Variants in RRBP1 observed in about 807,000 individuals in gnomAD.
The protein encoded by RRBP1 is ribosome-binding protein 1.
RRBP1 carries 94 observed loss-of-function variants against 165.2 expected under a neutral mutation model. The observed-to-expected ratio is 0.57, with a 90% CI of 0.48 to 0.68. RRBP1 has a LOEUF of 0.68. Ranked by LOEUF, RRBP1 falls within the 30% of genes least tolerant of loss-of-function variation. RRBP1 has a pLI of 0.00. For missense variants in RRBP1, 1,676 were observed against 1,763.0 expected (o/e 0.95, Z 0.88); for synonymous variants, 680 against 714.5 (o/e 0.95, Z 0.77).
intron 2 of RRBP1, among the ~76,000 whole-genome samples, chr20:17,672,324 T>C (rs1388838064): frequency 3.9e-5 from 6 of 152,232 alleles, no homozygotes; most frequent in Non-Finnish European, 2.9e-5. Context: ...CCACTCAGGT[T>C]TATATTAGGA....
At chr20:17,645,340 C>T (rs915281601) in intron 3 of RRBP1, among the ~76,000 whole-genome samples, 4 of 152,204 alleles carry the variant, frequency 2.6e-5, no homozygotes, top group African/African-American at 7.2e-5. Flanking sequence ...AACTTTCTAA[C>T]GTAATTCCAT....
chr20:17,631,483 G>A (rs1340937610), intron 8 of RRBP1, among the ~76,000 whole-genome samples: 2 of 152,242 alleles, frequency 1.3e-5, no homozygotes, highest in Non-Finnish European at 2.9e-5. Context: ...GGAAACCACG[G>A]GCCTCCATCT....
intron 3 of RRBP1, among the ~76,000 whole-genome samples, chr20:17,654,934 T>C (rs1444054481): frequency 6.6e-6 from 1 of 152,364 alleles, no homozygotes. Context: ...GAAGTATCAT[T>C]ATTCCTTTAT....
At chr20:17,628,130 G>T (rs1021968254) in intron 9 of RRBP1, among the ~76,000 whole-genome samples, 1 of 152,058 alleles carries the variant, frequency 6.6e-6, no homozygotes, top group African/African-American at 2.4e-5. Flanking sequence ...AGGCCAGGGG[G>T]TGACTCTTCT....
chr20:17,617,713 G>A (rs1296208790), intron 20 of RRBP1, among the ~76,000 whole-genome samples: 2 of 152,244 alleles, frequency 1.3e-5, no homozygotes, highest in Non-Finnish European at 2.9e-5. Context: ...TTCTGGTCCG[G>A]GTAAGACCTG....
chr20:17,622,884 CAG>C (rs1298282326), intron 13 of RRBP1: 5 of 152,210 alleles, frequency 3.3e-5, no homozygotes, highest in African/African-American at 1.2e-4. Context: ...CTCCCCCAAG[CAG>C]AGTCCTGGAA....
At chr20:17,627,801 C>T (rs1380919663) in intron 9 of RRBP1, 119 bp from the exon 10 acceptor site, 2 of 934,610 alleles carry the variant, frequency 2.1e-6, no homozygotes, top group African/African-American at 1.7e-5. Context: ...CTCCTGCCTC[C>T]TCTGTGTGTC....
intron 3 of RRBP1, among the ~76,000 whole-genome samples, chr20:17,650,577 CCT>C (rs775924303): frequency 8.5e-5 from 13 of 152,248 alleles, no homozygotes; most frequent in Admixed American, 2.6e-4. Flanking sequence ...CCCCGCATCC[CCT>C]GAGTGACGTG....
At chr20:17,656,230 G>A (rs1451449050) in intron 3 of RRBP1, among the ~76,000 whole-genome samples, 1 of 152,190 alleles carries the variant, frequency 6.6e-6, no homozygotes. Context: ...CTGTGAAGAA[G>A]AAAGAAACCA....
chr20:17,636,950 C>G (rs543295306), intron 5 of RRBP1, among the ~76,000 whole-genome samples: 1 of 152,320 alleles, frequency 6.6e-6, no homozygotes, highest in South Asian at 2.1e-4. Context: ...GTTGTGGGCT[C>G]AATGTCAGGC....
chr20:17,620,151 T>C lies in RRBP1; in HGVS notation c.3579+148A>G, dbSNP rs2035882036. The C allele has an allele frequency of 7.3e-6, 5 of 686,010 alleles. No homozygotes were observed. In the South Asian group the frequency reaches 8.6e-5, roughly 12 times the overall value. The allele number at this position is 686,010 out of a possible 1,614,324, so 42.5% of individuals were successfully genotyped here. Reference sequence around the variant, plus strand: ...TGTCTCTCATTAAGGAAAAACAGGATGGACAAGATCCCTTGGCTTGAGAGA... The same window carrying C: ...TGTCTCTCATTAAGGAAAAACAGGACGGACAAGATCCCTTGGCTTGAGAGA... On this transcript the variant is annotated intron_variant, in intron 18 of 24. Transcript: ENST00000377813.
chr20:17,640,588 G>A (rs2036335641), intron 5 of RRBP1, among the ~76,000 whole-genome samples: 1 of 152,154 alleles, frequency 6.6e-6, no homozygotes, highest in Non-Finnish European at 1.5e-5. Flanking sequence ...GTGGAAGGGA[G>A]GCCACGCACC....
At chr20:17,639,207 G>C (rs1049548882) in intron 5 of RRBP1, among the ~76,000 whole-genome samples, 1 of 152,218 alleles carries the variant, frequency 6.6e-6, no homozygotes, top group African/African-American at 2.4e-5. Flanking sequence ...TTCTCAGACA[G>C]CCAGGACAGA....
rs370306889 is a variant in RRBP1, at chr20:17,643,123, G to A, written c.1917C>T (p.Pro639=). Residue 639 remains proline (P), a synonymous_variant, in exon 4 of 25, where the codon CCC becomes CCT. Coordinates refer to ENST00000377813, the MANE Select transcript of RRBP1 (RefSeq NM_001365613.2). This position sits in a 1 kb window ranked among gnomAD's most constrained non-coding sequence, Gnocchi z 4.3. Reference sequence around the variant, plus strand: ...GGTAGAGAGGGCCGTCGGCATCTGGGGGCCCTGTGCAGCAAGAGGGAAAGA... The same window carrying A: ...GGTAGAGAGGGCCGTCGGCATCTGGAGGCCCTGTGCAGCAAGAGGGAAAGA... The part of the protein sequence containing the change: ...SGSKKKGEPG[P]PDADGPLYLP... The A allele has an allele frequency of 7.4e-6, 12 of 1,613,654 alleles. No individual in the cohort carries two copies. The Middle Eastern group carries it at 9.9e-4, about 133-fold the overall frequency.
At chr20:17,620,277 G>A in intron 18 of RRBP1, 22 bp downstream of exon 18, 1 of 1,581,608 alleles carries the variant, frequency 6.3e-7, no homozygotes, top group Admixed American at 1.7e-5. Flanking sequence ...AAGAGAAAGA[G>A]TTCTCTGAGC....
At chr20:17,640,121 G>T (rs1469887627) in intron 5 of RRBP1, among the ~76,000 whole-genome samples, 2 of 152,224 alleles carry the variant, frequency 1.3e-5, no homozygotes, top group East Asian at 3.9e-4. Flanking sequence ...CGGCCTGCTA[G>T]GCTGAGCCTG....
chr20:17,672,934 C>T (rs2037005114), intron 2 of RRBP1, among the ~76,000 whole-genome samples: 1 of 152,140 alleles, frequency 6.6e-6, no homozygotes, highest in African/African-American at 2.4e-5. Context: ...AAATCAATCA[C>T]TGGTATTATT....
rs535066360 is a variant in RRBP1 at position 17,613,740 on chromosome 20, T to C, written c.*442A>G. The C allele has an allele frequency of 1.8e-4, 29 of 161,296 alleles. No homozygotes were observed. Among genetic ancestry groups the C allele is most frequent in the South Asian group, 3.6e-4 (2 of 5,624 alleles). 10.0% of individuals were successfully genotyped at this position (161,296 alleles called of 1,614,324 possible). On this transcript the variant is annotated 3_prime_UTR_variant, in exon 25 of 25. Transcript: ENST00000377813. ...CCAGGAGGTCACACGTCAGTTCTGG[T>C]TGGCAACGTCTAGGGGTGAGGGGCT...
intron 2 of RRBP1, among the ~76,000 whole-genome samples, chr20:17,678,324 T>C (rs1326939726): frequency 6.6e-6 from 1 of 152,250 alleles, no homozygotes; most frequent in Admixed American, 6.5e-5. Context: ...ATTTTCTGTC[T>C]TTGTTACAAG....
Sources: gnomAD v4.1 joint callset for allele counts (sites outside exome capture counted in the v4.1 genomes callset) on GRCh38, gnomAD v4.1.1 for gene constraint, Gnocchi (gnomAD v3.1) non-coding constraint, MANE v1.5 for transcripts, NCBI Gene and HGNC (gene_info 2026-07-23, HGNC 2026-07-21) for gene names.